Variants in HSP90AA1 observed in about 807,000 individuals in gnomAD.
HSP90AA1 encodes the protein heat shock protein HSP 90-alpha.
HSP90AA1 carries 18 observed loss-of-function variants against 73.3 expected under a neutral mutation model. The ratio of observed to expected loss-of-function variants is 0.25; its 90% CI spans 0.17 to 0.36. The LOEUF (loss-of-function observed/expected upper bound fraction) is 0.36, where lower values mean the gene tolerates loss of function less well. Ranked by LOEUF, HSP90AA1 falls within the 10% of genes least tolerant of loss-of-function variation. HSP90AA1 has a pLI of 1.00. For missense variants in HSP90AA1, 704 were observed against 874.2 expected, an observed-to-expected ratio of 0.81 and a Z score of 2.45; for synonymous variants, 477 against 296.9, an observed-to-expected ratio of 1.61 and a Z score of -6.24.
intron 3 of HSP90AA1, 24 bp from the exon 4 acceptor site, chr14:102,085,455 G>A (rs752063966): frequency 1.5e-5 from 20 of 1,323,298 alleles, no homozygotes; most frequent in African/African-American, 2.4e-5. Flanking sequence ...AAGAAAAATT[G>A]ACTTAATACA....
At chr14:102,087,157 G>A, upstream of HSP90AA1, 3 of 983,636 alleles carry the variant, frequency 3.0e-6, no homozygotes, top group African/African-American at 3.5e-5. Flanking sequence ...CGCCGCCGCG[G>A]CCGCGCGCCT....
At chr14:102,131,957 C>T (rs144268295) in intron 1 of HSP90AA1, among the ~76,000 whole-genome samples, 79 of 152,336 alleles carry the variant, frequency 5.2e-4, no homozygotes, top group African/African-American at 1.8e-3. Context: ...AGAATACAGG[C>T]TGGCTGTGGT....
chr14:102,101,360 G>C (rs1356456109), intron 2 of HSP90AA1, among the ~76,000 whole-genome samples: 3 of 152,126 alleles, frequency 2.0e-5, no homozygotes, highest in African/African-American at 7.2e-5. Flanking sequence ...TTTGGGTCAA[G>C]CCCAAACTCC....
intron 2 of HSP90AA1, among the ~76,000 whole-genome samples, chr14:102,093,712 C>G (rs1431391016): frequency 6.6e-6 from 1 of 152,050 alleles, no homozygotes; most frequent in Non-Finnish European, 1.5e-5. Context: ...GTAGCTGATG[C>G]CTTTACTCCC....
upstream of HSP90AA1, among the ~76,000 whole-genome samples, chr14:102,090,610 T>C (rs61992490): frequency 0.012 from 1,831 of 152,246 alleles, 27 homozygotes; most frequent in Non-Finnish European, 0.019. Context: ...CCACCACACC[T>C]GGCTAATTTT....
chr14:102,088,499 CA>C (rs2152615117), upstream of HSP90AA1, among the ~76,000 whole-genome samples: 1 of 152,308 alleles, frequency 6.6e-6, no homozygotes, highest in East Asian at 1.9e-4. Context: ...CGTGTGAAAT[CA>C]ACATAAAGCG....
At chr14:102,085,032 G>C (rs1238004243) in intron 4 of HSP90AA1, 34 bp from the exon 5 acceptor site, 1 of 1,613,704 alleles carries the variant, frequency 6.2e-7, no homozygotes, top group Admixed American at 1.7e-5. Context: ...CATCACTGCT[G>C]CACTCCAGAA....
chr14:102,085,161 T>C, intron 4 of HSP90AA1, 137 bp downstream of exon 4: 1 of 1,440,186 alleles, frequency 6.9e-7, no homozygotes, highest in Admixed American at 1.8e-5. Context: ...CCCGAGGAAC[T>C]TTTACAGAGT....
upstream of HSP90AA1, among the ~76,000 whole-genome samples, chr14:102,088,468 G>A (rs776122577): frequency 3.3e-5 from 5 of 152,232 alleles, no homozygotes; most frequent in Non-Finnish European, 5.9e-5. Flanking sequence ...TTCAGACTGC[G>A]GCCTGGGACC....
chr14:102,086,488 G>T (rs916377926), intron 1 of HSP90AA1, 110 bp from the exon 2 acceptor site: 5 of 1,291,072 alleles, frequency 3.9e-6, no homozygotes, highest in African/African-American at 1.5e-5. Flanking sequence ...GATTTGCGAA[G>T]TTTAAGTAAA....
intron 1 of HSP90AA1, among the ~76,000 whole-genome samples, chr14:102,134,486 CAGTG>C (rs533550242): frequency 7.9e-5 from 12 of 152,142 alleles, no homozygotes; most frequent in Admixed American, 3.3e-4. Flanking sequence ...CGGACCCTCG[CAGTG>C]AGTGTTACAA....
At position 102,084,984 on chromosome 14, in the gene HSP90AA1, A is replaced by C. The variant is rs1312317819; in HGVS notation, c.678T>G (p.Arg226=). Residue 226 remains arginine, a synonymous_variant, in exon 5 of 11, where the codon CGT becomes CGG. Transcript: ENST00000216281. The part of the protein sequence containing the change: ...YPITLFVEKE[R]DKEVSDDEAE... Reference sequence around the variant, plus strand: ...CCTCATCATCGCTTACTTCTTTATCACGTTCCTTCTCCACCTTCAAAAGAA... The same window carrying C: ...CCTCATCATCGCTTACTTCTTTATCCCGTTCCTTCTCCACCTTCAAAAGAA... 6.2e-7 allele frequency: 1 copy of C among 1,612,904 alleles called. No individual in the cohort carries two copies. The highest frequency in any genetic ancestry group is 8.5e-7 in the Non-Finnish European group (1 of 1,179,388).
intron 1 of HSP90AA1, among the ~76,000 whole-genome samples, chr14:102,125,613 T>G (rs909756108): frequency 1.3e-5 from 2 of 152,106 alleles, no homozygotes; most frequent in African/African-American, 4.8e-5. Context: ...GAAGCAGAGC[T>G]TTCTGAAAGC....
chr14:102,132,795 TA>T (rs1158384791), intron 1 of HSP90AA1, among the ~76,000 whole-genome samples: 1 of 150,946 alleles, frequency 6.6e-6, no homozygotes. Flanking sequence ...CTGTCTCTAC[TA>T]AAAATACAAA....
intron 1 of HSP90AA1, among the ~76,000 whole-genome samples, chr14:102,127,036 T>C (rs938882550): frequency 2.8e-5 from 2 of 71,298 alleles, no homozygotes; most frequent in Non-Finnish European, 7.1e-5. Context: ...GAGTGAGAAG[T>C]ACTTTTTTTT....
chr14:102,085,957 G>A lies in HSP90AA1; in HGVS notation c.330C>T (p.Ile110=), dbSNP rs759018453. Residue 110 remains isoleucine (I), a synonymous_variant, in exon 3 of 11, where the codon ATC becomes ATT. Transcript: ENST00000216281. The part of the protein sequence containing the change: ...KADLINNLGT[I]AKSGTKAFME... ...TGAACGCTTTGGTCCCAGACTTGGCGATAGTACCAAGGTTATTGATCAAGT... is the reference window on the plus strand; with the variant it reads ...TGAACGCTTTGGTCCCAGACTTGGCAATAGTACCAAGGTTATTGATCAAGT... 11 of 1,613,742 alleles carry A rather than the reference G, an allele frequency of 6.8e-6. No homozygotes were observed. The highest frequency in any genetic ancestry group is 2.2e-5 in the South Asian group (2 of 91,070).
intron 1 of HSP90AA1, among the ~76,000 whole-genome samples, chr14:102,122,828 C>T (rs1343842827): frequency 6.6e-6 from 1 of 151,272 alleles, no homozygotes; most frequent in African/African-American, 2.4e-5. Flanking sequence ...CCACCATGCC[C>T]AGCTGATTTT....
In HSP90AA1 at chr14:102,083,079, G is replaced by A. The variant is rs36078484; in HGVS notation, c.1710C>T (p.Asn570=). Residue 570 remains asparagine (N), a synonymous_variant, in exon 9 of 11, where the codon AAC becomes AAT. Coordinates refer to ENST00000216281, the MANE Select transcript of HSP90AA1 (RefSeq NM_005348.4). ...ATATGTCTTTCATGATTTTGCAGAG[G>A]TTCTCAAACTTTGTTTTTTTCTCTT... ...KQEEKKTKFE[N]LCKIMKDILE... The A allele has an allele frequency of 2.1e-5, 34 of 1,613,738 alleles. No individual in the cohort carries two copies. The African/African-American group carries it at 2.5e-4, about 12-fold the overall frequency.
intron 2 of HSP90AA1, among the ~76,000 whole-genome samples, chr14:102,094,945 A>C (rs2049405417): frequency 6.6e-6 from 1 of 152,016 alleles, no homozygotes; most frequent in South Asian, 2.1e-4. Flanking sequence ...AGGTCAGGGG[A>C]GCGAGTTAAC....
Sources: allele counts gnomAD v4.1 joint callset (sites outside exome capture counted in the v4.1 genomes callset), GRCh38; gene constraint gnomAD v4.1.1; transcripts MANE v1.5; gene names NCBI Gene and HGNC (gene_info 2026-07-23, HGNC 2026-07-21).